Variants in KDM2A observed in about 807,000 individuals in gnomAD.
KDM2A encodes the protein lysine demethylase 2A.
A neutral mutation model predicts 137.3 loss-of-function variants in KDM2A; 3 were observed. That is an observed-to-expected ratio of 0.02 (90% CI 0.01 to 0.06). The LOEUF is 0.06. Ranked by LOEUF, KDM2A falls within the 10% of genes least tolerant of loss-of-function variation. KDM2A has a pLI of 1.00. For synonymous variants in KDM2A, 512 were observed against 541.5 expected (o/e 0.95, Z 0.76); for missense variants, 738 against 1,510.6 (o/e 0.49, Z 8.48).
intron 12 of KDM2A, among the ~76,000 whole-genome samples, chr11:67,234,954 T>G (rs12274743): frequency 0.087 from 13,255 of 151,528 alleles, 1,954 homozygotes; most frequent in African/African-American, 0.3. Context: ...AGACCATCCT[T>G]GCTAACATGG....
chr11:67,164,478 TTTG>T (rs998425451), intron 2 of KDM2A, among the ~76,000 whole-genome samples: 102 of 151,914 alleles, frequency 6.7e-4, no homozygotes, highest in African/African-American at 2.3e-3. Flanking sequence ...TTGGCCTTTT[TTTG>T]TTGTTGTTGT....
chr11:67,253,714 G>A (rs547440863), intron 19 of KDM2A, 103 bp downstream of exon 19: 2 of 1,241,876 alleles, frequency 1.6e-6, no homozygotes, highest in Non-Finnish European at 2.3e-6. Context: ...ATGACGCTGT[G>A]GAAGAATAGA....
intron 2 of KDM2A, among the ~76,000 whole-genome samples, chr11:67,158,269 T>C (rs1203921468): frequency 3.9e-5 from 6 of 152,204 alleles, no homozygotes; most frequent in Admixed American, 2.6e-4. Context: ...TCTCATTTCT[T>C]TGTATTGTTG....
At chr11:67,229,019 G>A (rs921467579) in intron 11 of KDM2A, among the ~76,000 whole-genome samples, 2 of 152,082 alleles carry the variant, frequency 1.3e-5, no homozygotes, top group African/African-American at 4.8e-5. Flanking sequence ...ACCACTCCTG[G>A]CCCGGTTGTC....
intron 2 of KDM2A, among the ~76,000 whole-genome samples, chr11:67,176,901 A>G (rs934938188): frequency 4.6e-5 from 7 of 152,218 alleles, no homozygotes; most frequent in South Asian, 2.1e-4. Flanking sequence ...GCGAGGGCCT[A>G]AGACACTTTT....
At chr11:67,243,131 C>A (rs373632215) in intron 13 of KDM2A, 39 bp downstream of exon 13, 4 of 1,474,260 alleles carry the variant, frequency 2.7e-6, no homozygotes, top group Non-Finnish European at 3.8e-6. Flanking sequence ...GCTGCTTAAG[C>A]CTTTTGTTAG....
Position 67,250,773 on chromosome 11 carries a change from C to A in KDM2A, c.2743C>A (p.Arg915=). 6.5e-7 allele frequency: 1 copy of A among 1,537,712 alleles called. No homozygotes were observed. The highest frequency in any genetic ancestry group is 8.8e-7 in the Non-Finnish European group (1 of 1,141,156). ...LSRRELCECM[R]VCKTWYKWCC... ...CCGCAGAGAACTTTGTGAATGTATG[C>A]GAGTGTGCAAGACGTGGTATAAATG... Residue 915 remains arginine (R), a synonymous_variant, in exon 17 of 21, where the codon CGA becomes AGA. Transcript: ENST00000529006. The surrounding 1 kb of genome is among the most constrained non-coding windows in gnomAD (Gnocchi z 7.1).
At position 67,255,164 on chromosome 11, in the gene KDM2A, C is replaced by T; in HGVS notation, c.*109C>T. The T allele has an allele frequency of 2.1e-6, 2 of 940,020 alleles. No individual in the cohort carries two copies. The highest frequency in any genetic ancestry group is 3.2e-6 in the Non-Finnish European group (2 of 626,180). The allele number at this position is 940,020 out of a possible 1,614,324, so 58.2% of individuals were successfully genotyped here. A position where few individuals can be genotyped will look rare whatever the true frequency, so the allele number is the denominator to read the frequency against. On this transcript the variant is annotated 3_prime_UTR_variant, in exon 21 of 21. Transcript: ENST00000529006. Reference sequence around the variant, plus strand: ...CTCTGAGGCCAGCGTCACACTCCCTCTCTGCTCTCCTGTCCCTTGAGCCCT... The same window carrying T: ...CTCTGAGGCCAGCGTCACACTCCCTTTCTGCTCTCCTGTCCCTTGAGCCCT...
At chr11:67,141,230 A>T (rs1385560657) in intron 2 of KDM2A, among the ~76,000 whole-genome samples, 1 of 152,004 alleles carries the variant, frequency 6.6e-6, no homozygotes, top group East Asian at 1.9e-4. Flanking sequence ...CAATTTTTCC[A>T]TATTGTTTTG....
chr11:67,204,033 TCA>T (rs1857729749), intron 5 of KDM2A, among the ~76,000 whole-genome samples: 1 of 152,014 alleles, frequency 6.6e-6, no homozygotes, highest in Admixed American at 6.6e-5. Flanking sequence ...ACTCCTGACC[TCA>T]AGTGATCTGC....
chr11:67,190,551 G>A (rs973083670), intron 5 of KDM2A, among the ~76,000 whole-genome samples: 1 of 152,028 alleles, frequency 6.6e-6, no homozygotes, highest in Non-Finnish European at 1.5e-5. Context: ...CCTGAGCTCA[G>A]GAGTTTGAGA....
rs1430390045 is a variant in KDM2A, at chr11:67,255,634, C to T, written c.*579C>T. The T allele has an allele frequency of 2.2e-6, 1 of 452,576 alleles. No homozygotes were observed. The highest frequency in any genetic ancestry group is 1.6e-5 in the South Asian group (1 of 64,270). The allele number at this position is 452,576 out of a possible 1,614,324, so 28.0% of individuals were successfully genotyped here. ...CACGTCCTTAACTGTGCTCTCCCTC[C>T]TTTCCTCTCCCTTGAGCTTGGTTCT... On this transcript the variant is annotated 3_prime_UTR_variant, in exon 21 of 21. Coordinates refer to ENST00000529006, the MANE Select transcript of KDM2A (RefSeq NM_012308.3).
chr11:67,139,642 G>A (rs1368763076), intron 2 of KDM2A, among the ~76,000 whole-genome samples: 1 of 151,996 alleles, frequency 6.6e-6, no homozygotes, highest in African/African-American at 2.4e-5. Flanking sequence ...GCCTCTCAAA[G>A]TACTAGTATT....
intron 8 of KDM2A, among the ~76,000 whole-genome samples, chr11:67,217,083 A>G (rs1858186800): frequency 6.6e-6 from 1 of 151,366 alleles, no homozygotes; most frequent in African/African-American, 2.4e-5. Flanking sequence ...CTCTACTAAA[A>G]ATACAAAAAT....
chr11:67,250,483 A>G lies in KDM2A; in HGVS notation c.2453A>G (p.Lys818Arg), dbSNP rs1172926381. ...CTCCACGGGACATCCATTGTGCCCA[A>G]GCTGCAGGCCATCACGGCCTCCTCT... ...KELHGTSIVP[K>R]LQAITASSAN... The change falls in exon 17 of 21, where the codon AAG (lysine) becomes AGG (arginine). Residue 818 changes from lysine (K) to arginine (R), a missense_variant. By Grantham distance (26) the Lys-to-Arg change is conservative. This residue lies in a region of KDM2A where 244 missense variants were observed against 324.6 expected (regional missense o/e 0.75). Transcript: ENST00000529006. The surrounding 1 kb of genome is among the most constrained non-coding windows in gnomAD (Gnocchi z 7.1). 1.2e-6 allele frequency: 2 copies of G among 1,613,934 alleles called. No individual in the cohort carries two copies. Among genetic ancestry groups the G allele is most frequent in the Non-Finnish European group, 1.7e-6 (2 of 1,179,896 alleles).
intron 6 of KDM2A, among the ~76,000 whole-genome samples, chr11:67,213,167 A>G (rs999964025): frequency 6.6e-6 from 1 of 152,152 alleles, no homozygotes; most frequent in Non-Finnish European, 1.5e-5. Context: ...CCTCTAGACA[A>G]CTGCTTCATA....
chr11:67,123,643 T>C (rs1413681801), intron 2 of KDM2A, among the ~76,000 whole-genome samples: 1 of 152,090 alleles, frequency 6.6e-6, no homozygotes, highest in Non-Finnish European at 1.5e-5. Context: ...GTCCAGACTT[T>C]AAAGGAAGAG....
At chr11:67,230,175 C>CA (rs34895479) in intron 11 of KDM2A, among the ~76,000 whole-genome samples, 232 of 116,306 alleles carry the variant, frequency 2.0e-3, no homozygotes, top group Middle Eastern at 8.8e-3. Context: ...GACTCCGTCT[C>CA]AAAAAAAAAA....
intron 5 of KDM2A, among the ~76,000 whole-genome samples, chr11:67,204,125 ATT>A (rs1316690767): frequency 6.6e-6 from 1 of 152,090 alleles, no homozygotes; most frequent in African/African-American, 2.4e-5. Context: ...GAAGGAAAGC[ATT>A]TACTTGTTAT....
Sources: gnomAD v4.1 joint callset for allele counts (sites outside exome capture counted in the v4.1 genomes callset) on GRCh38, gnomAD v4.1.1 for gene constraint, gnomAD v4.1.1 regional missense constraint, Gnocchi (gnomAD v3.1) non-coding constraint, MANE v1.5 for transcripts, NCBI Gene and HGNC (gene_info 2026-07-23, HGNC 2026-07-21) for gene names.